COL4A2: variants seen among roughly 807,000 people sequenced by gnomAD.
COL4A2 encodes the protein collagen alpha-2(IV) chain.
COL4A2 carries 99 observed loss-of-function variants against 200.2 expected under a neutral mutation model. The ratio of observed to expected loss-of-function variants is 0.49; its 90% CI spans 0.42 to 0.58. The LOEUF is 0.58. COL4A2 is among the 20% of genes least tolerant of loss of function. The pLI is 0.00. For missense variants in COL4A2, 1,950 were observed against 2,314.1 expected, an observed-to-expected ratio of 0.84 and a Z score of 3.23; for synonymous variants, 897 against 900.6, an observed-to-expected ratio of 1.00 and a Z score of 0.07.
chr13:110,322,477 C>G (rs937130043), intron 3 of COL4A2, among the ~76,000 whole-genome samples: 1 of 152,194 alleles, frequency 6.6e-6, no homozygotes, highest in Non-Finnish European at 1.5e-5. Flanking sequence ...GTTCCTGAAG[C>G]CCCAGAACTG....
At chr13:110,312,747 A>G (rs1885019333) in intron 3 of COL4A2, among the ~76,000 whole-genome samples, 2 of 152,236 alleles carry the variant, frequency 1.3e-5, no homozygotes, top group African/African-American at 4.8e-5. Context: ...GCCTTGGCTG[A>G]TAGAGCTTGT....
chr13:110,494,707 A>G (rs1883396806), intron 39 of COL4A2, among the ~76,000 whole-genome samples: 1 of 152,084 alleles, frequency 6.6e-6, no homozygotes. Context: ...CCGTCTTAAA[A>G]AAAAAAAAAA....
chr13:110,313,477 C>G (rs867026550), intron 3 of COL4A2, among the ~76,000 whole-genome samples: 2 of 150,596 alleles, frequency 1.3e-5, no homozygotes, highest in African/African-American at 4.9e-5. Context: ...CGGTGCCCCG[C>G]GTCCACCCGG....
rs56110551 is a variant in COL4A2 at position 110,387,342 on chromosome 13, G to A, written c.180+29790G>A. ...AAGGCTGGAAGGAAATAGCCTTGCC[G>A]AGGGCCAGACCCTGAGCTGCTGGAG... On this transcript the variant is annotated intron_variant, in intron 4 of 47. Transcript: ENST00000360467. Among the ~76,000 whole-genome samples the A allele has an allele frequency of 1.8e-3, 271 of 152,344 alleles. 2 individuals are homozygous for A. The highest frequency in any genetic ancestry group is 6.2e-3 in the African/African-American group (256 of 41,586).
chr13:110,467,047 A>G lies in COL4A2; in HGVS notation c.2046A>G (p.Ile682Met), dbSNP rs1417378542. 3.7e-6 allele frequency: 6 copies of G among 1,613,946 alleles called. No homozygotes were observed. Among genetic ancestry groups the G allele is most frequent in the Non-Finnish European group, 5.1e-6 (6 of 1,179,980 alleles). Reference sequence around the variant, plus strand: ...TCTCCTTTCTGTCCCCAGGTTGCATAGGAGGGCCCAAGGGATTGCCAGGCC... The same window carrying G: ...TCTCCTTTCTGTCCCCAGGTTGCATGGGAGGGCCCAAGGGATTGCCAGGCC... ...DRQEAIQPGC[I>M]GGPKGLPGLP... Residue 682 changes from isoleucine to methionine, a missense_variant, in exon 27 of 48, where the codon ATA becomes ATG. Physicochemically the swap from Ile to Met is conservative, Grantham distance 10. Transcript: ENST00000360467.
chr13:110,363,651 A>G (rs1391657225), intron 4 of COL4A2, among the ~76,000 whole-genome samples: 2 of 152,188 alleles, frequency 1.3e-5, no homozygotes, highest in Non-Finnish European at 2.9e-5. Context: ...CCACGCAGAT[A>G]TGAAGCAAAG....
chr13:110,337,664 C>A (rs955539206), intron 3 of COL4A2, among the ~76,000 whole-genome samples: 1 of 152,202 alleles, frequency 6.6e-6, no homozygotes, highest in African/African-American at 2.4e-5. Context: ...TCCAAAAGGT[C>A]CTGCTCCACA....
At chr13:110,420,838 G>T (rs945248865) in intron 4 of COL4A2, among the ~76,000 whole-genome samples, 3 of 152,190 alleles carry the variant, frequency 2.0e-5, no homozygotes, top group African/African-American at 7.2e-5. Context: ...GCCTCCTCGG[G>T]CCATGCTGTA....
chr13:110,430,882 C>A, intron 10 of COL4A2: 2 of 646,160 alleles, frequency 3.1e-6, no homozygotes, highest in Non-Finnish European at 5.8e-6. Flanking sequence ...CCATCCCCAC[C>A]CCATACCTAC....
At chr13:110,348,091 T>C (rs1371996194) in intron 3 of COL4A2, among the ~76,000 whole-genome samples, 1 of 152,272 alleles carries the variant, frequency 6.6e-6, no homozygotes, top group Non-Finnish European at 1.5e-5. Flanking sequence ...CTGGTTCTCC[T>C]GTTCCAAATA....
chr13:110,325,850 C>G (rs1885394161), intron 3 of COL4A2, among the ~76,000 whole-genome samples: 1 of 151,630 alleles, frequency 6.6e-6, no homozygotes, highest in Non-Finnish European at 1.5e-5. Flanking sequence ...GTGTTGAGAT[C>G]TCAGCTCACT....
intron 40 of COL4A2, among the ~76,000 whole-genome samples, chr13:110,500,982 A>G (rs1044010927): frequency 6.6e-6 from 1 of 152,260 alleles, no homozygotes; most frequent in African/African-American, 2.4e-5. Flanking sequence ...GGCACTACAG[A>G]GACCAAGACA....
At chr13:110,434,937 C>T (rs1160993721) in intron 12 of COL4A2, among the ~76,000 whole-genome samples, 1 of 152,222 alleles carries the variant, frequency 6.6e-6, no homozygotes, top group Non-Finnish European at 1.5e-5. Context: ...TTGAGAGGAA[C>T]GTGTGAGATC....
intron 3 of COL4A2, among the ~76,000 whole-genome samples, chr13:110,333,116 T>C (rs1876003122): frequency 6.6e-6 from 1 of 152,210 alleles, no homozygotes; most frequent in South Asian, 2.1e-4. Context: ...AAAGCACTGC[T>C]CCACCCTACT....
intron 4 of COL4A2, among the ~76,000 whole-genome samples, chr13:110,370,615 C>T (rs967914270): frequency 3.3e-5 from 5 of 152,174 alleles, no homozygotes; most frequent in African/African-American, 4.8e-5. Flanking sequence ...TCTTGGATTT[C>T]CACTTGTGCA....
intron 3 of COL4A2, among the ~76,000 whole-genome samples, chr13:110,348,381 G>C (rs1415988735): frequency 6.6e-6 from 1 of 152,200 alleles, no homozygotes; most frequent in Admixed American, 6.5e-5. Context: ...CCGGCATATA[G>C]AAGAAGGATT....
intron 3 of COL4A2, among the ~76,000 whole-genome samples, chr13:110,310,325 A>AT (rs1378841806): frequency 2.0e-5 from 3 of 152,204 alleles, no homozygotes; most frequent in Non-Finnish European, 4.4e-5. Flanking sequence ...CAGGTCAGAC[A>AT]TTCCAGGGTG....
rs778610185 is a variant in COL4A2, at chr13:110,430,522, A to T, written c.586-23A>T. ...GTACCAGTTTACCTCTCTTAAAAACATTCTCCCGCTGCCTATCCATAGGGA... is the reference window on the plus strand; with the variant it reads ...GTACCAGTTTACCTCTCTTAAAAACTTTCTCCCGCTGCCTATCCATAGGGA... On this transcript the variant is annotated intron_variant, in intron 9 of 47. Coordinates refer to ENST00000360467, the MANE Select transcript of COL4A2 (RefSeq NM_001846.4). The T allele has an allele frequency of 5.0e-6, 8 of 1,614,188 alleles. No individual in the cohort carries two copies. The East Asian group carries it at 1.6e-4, about 31-fold the overall frequency.
intron 27 of COL4A2, among the ~76,000 whole-genome samples, chr13:110,468,623 C>T (rs1882344696): frequency 6.6e-6 from 1 of 152,232 alleles, no homozygotes; most frequent in Admixed American, 6.5e-5. Context: ...GCTGTCCGCA[C>T]TCCACTTTCT....
Sources: allele counts gnomAD v4.1 joint callset (sites outside exome capture counted in the v4.1 genomes callset), GRCh38; gene constraint gnomAD v4.1.1; transcripts MANE v1.5; gene names NCBI Gene and HGNC (gene_info 2026-07-23, HGNC 2026-07-21).